Variants in SFI1 observed in about 807,000 individuals in gnomAD.
SFI1 encodes protein SFI1 homolog.
In SFI1, 195 loss-of-function variants were observed where a neutral mutation model predicts 207.5. The ratio of observed to expected loss-of-function variants is 0.94; its 90% confidence interval spans 0.84 to 1.06. SFI1 has a LOEUF of 1.06. Among genes scored for constraint, SFI1 ranks in the 50% least tolerant of loss-of-function variants. The pLI is 0.00. For missense variants in SFI1, 1,634 were observed against 1,588.0 expected, an observed-to-expected ratio of 1.03 and a Z score of -0.49; for synonymous variants, 630 against 598.9, an observed-to-expected ratio of 1.05 and a Z score of -0.76.
rs2068339128 is a variant in SFI1, at chr22:31,602,843, T to C, written c.1805+58T>C. 6 of 1,565,938 alleles carry C rather than the reference T, an allele frequency of 3.8e-6. No homozygotes were observed. In the East Asian group the frequency reaches 1.4e-4, roughly 35 times the overall value. ...CATCACAGGCCAGCTTTGCTTGTTC[T>C]AGCAGCACCATGAGCTCCAAGTGCC... is the stretch of plus-strand genomic sequence containing the variant. On this transcript the variant is annotated intron_variant, in intron 17 of 32. Coordinates refer to ENST00000400288, the MANE Select transcript of SFI1 (RefSeq NM_001007467.3).
intron 2 of SFI1, among the ~76,000 whole-genome samples, chr22:31,524,455 C>T (rs2057661484): frequency 6.6e-6 from 1 of 151,724 alleles, no homozygotes; most frequent in Non-Finnish European, 1.5e-5. Context: ...CAGGGTCTCA[C>T]TCTGTCACCC....
intron 31 of SFI1, among the ~76,000 whole-genome samples, chr22:31,617,342 G>C (rs564559542): frequency 5.3e-5 from 8 of 152,010 alleles, no homozygotes; most frequent in South Asian, 2.1e-4. Context: ...GCTTCCTATG[G>C]GGGGGACGAT....
chr22:31,602,774 G>C lies in SFI1; in HGVS notation c.1794G>C (p.Gly598=). 2 of 1,613,478 alleles carry C rather than the reference G, an allele frequency of 1.2e-6. No individual in the cohort carries two copies. Among genetic ancestry groups the C allele is most frequent in the Admixed American group, 3.3e-5 (2 of 60,014 alleles). ...GCCTCTGGAGGGAAAGTGCCCAAGG[G>C]CTCAGAACAGAGTGAGTGGCCAGTT... The part of the protein sequence containing the change: ...AFCLWRESAQ[G]LRTERTGRVR... Residue 598 remains glycine, a synonymous_variant, in exon 17 of 33, where the codon GGG becomes GGC. Coordinates refer to ENST00000400288, the MANE Select transcript of SFI1 (RefSeq NM_001007467.3).
chr22:31,506,341 C>G (rs1204596012), intron 1 of SFI1, among the ~76,000 whole-genome samples: 1 of 151,944 alleles, frequency 6.6e-6, no homozygotes, highest in Non-Finnish European at 1.5e-5. Flanking sequence ...AGCCACTGTG[C>G]CTGGCCAGAA....
chr22:31,579,709 C>T (rs959844198), intron 11 of SFI1, among the ~76,000 whole-genome samples: 1 of 152,168 alleles, frequency 6.6e-6, no homozygotes, highest in African/African-American at 2.4e-5. Context: ...GCCTCAGCAT[C>T]CTAAAGTGTT....
At chr22:31,585,174 A>G (rs750578228) in intron 14 of SFI1, 40 bp downstream of exon 14, 18 of 1,530,618 alleles carry the variant, frequency 1.2e-5, no homozygotes, top group African/African-American at 4.1e-5. Context: ...ACTGGCTTAC[A>G]TTCTTGGACC....
At chr22:31,562,666 C>T (rs974972481) in intron 8 of SFI1, among the ~76,000 whole-genome samples, 1 of 151,722 alleles carries the variant, frequency 6.6e-6, no homozygotes, top group Admixed American at 6.6e-5. Context: ...CAGAGTCTCG[C>T]TCTGTCACCC....
intron 1 of SFI1, among the ~76,000 whole-genome samples, chr22:31,506,720 C>G (rs1296689607): frequency 1.3e-5 from 2 of 152,048 alleles, no homozygotes; most frequent in African/African-American, 2.4e-5. Context: ...CAACAACAGG[C>G]AAGCAGAGAA....
Position 31,585,047 on chromosome 22 carries a change from G to A in SFI1, c.1347-21G>A, listed in dbSNP as rs1295803344. On this transcript the variant is annotated intron_variant, in intron 13 of 32. Transcript: ENST00000400288. ...AGTTTTAAAAACTTGAAACCTGAAG[G>A]TGTTCTTCCTTTTGTTTCAGAATAG... The A allele has an allele frequency of 5.0e-6, 8 of 1,609,736 alleles. 1 individual carries two copies. The Admixed American group carries it at 8.4e-5, about 17-fold the overall frequency.
chr22:31,523,731 A>T (rs1357731577), intron 2 of SFI1, among the ~76,000 whole-genome samples: 1 of 152,030 alleles, frequency 6.6e-6, no homozygotes, highest in Non-Finnish European at 1.5e-5. Context: ...TATTATCTCC[A>T]TCTACAGGGG....
At chr22:31,581,055 T>TATAC (rs1392370929) in intron 12 of SFI1, among the ~76,000 whole-genome samples, 2 of 151,816 alleles carry the variant, frequency 1.3e-5, no homozygotes, top group Non-Finnish European at 2.9e-5. Context: ...ACCCAGGCTG[T>TATAC]AGTGCAGTAG....
At chr22:31,610,749 C>A (rs2069951468) in intron 22 of SFI1, among the ~76,000 whole-genome samples, 1 of 152,226 alleles carries the variant, frequency 6.6e-6, no homozygotes, top group Non-Finnish European at 1.5e-5. Context: ...GCTGCCCTCT[C>A]TTCCAAGCTG....
At chr22:31,563,401 C>G (rs1440137921) in intron 8 of SFI1, among the ~76,000 whole-genome samples, 2 of 152,038 alleles carry the variant, frequency 1.3e-5, no homozygotes, top group Non-Finnish European at 1.5e-5. Flanking sequence ...GGGATACTGA[C>G]TAAACTTATA....
At chr22:31,610,255 CTG>C (rs1222367538) in intron 22 of SFI1, among the ~76,000 whole-genome samples, 2 of 152,254 alleles carry the variant, frequency 1.3e-5, no homozygotes, top group Non-Finnish European at 2.9e-5. Flanking sequence ...CATAACCTGG[CTG>C]TGTGTGTGAC....
chr22:31,503,749 A>AT (rs759980698), intron 1 of SFI1, among the ~76,000 whole-genome samples: 3,577 of 137,164 alleles, frequency 0.026, 78 homozygotes, highest in African/African-American at 0.06. Context: ...CACCATGCCA[A>AT]TTTTTTTTTT....
intron 6 of SFI1, among the ~76,000 whole-genome samples, chr22:31,554,510 G>A (rs186616916): frequency 6.6e-6 from 1 of 151,164 alleles, no homozygotes; most frequent in African/African-American, 2.4e-5. Flanking sequence ...GGATTTCACA[G>A]TGTTAGCCAG....
chr22:31,611,220 G>T lies in SFI1; in HGVS notation c.2332G>T (p.Ala778Ser), dbSNP rs756989541. 1.2e-6 allele frequency: 2 copies of T among 1,613,936 alleles called. No individual in the cohort carries two copies. Among genetic ancestry groups the T allele is most frequent in the South Asian group, 2.2e-5 (2 of 91,058 alleles). Reference sequence around the variant, plus strand: ...CCAGCAGAGACTGCAGCTGGAGAGGGCAGTGCAACACCACCACCGGCAGCT... The same window carrying T: ...CCAGCAGAGACTGCAGCTGGAGAGGTCAGTGCAACACCACCACCGGCAGCT... ...SAQQRLQLERAVQHHHRQLLL... is the reference protein window; with the variant it reads ...SAQQRLQLERSVQHHHRQLLL... Residue 778 changes from alanine (A) to serine (S), a missense_variant, in exon 23 of 33, where the codon GCA (alanine) becomes TCA (serine). Ala to Ser is a moderately conservative substitution (Grantham distance 99). Transcript: ENST00000400288.
Position 31,501,313 on chromosome 22 carries a change from A to T in SFI1, c.-31+4676A>T, listed in dbSNP as rs564177690. 4.0e-5 allele frequency among the ~76,000 whole-genome samples: 6 copies of T among 151,658 alleles called. No individual in the cohort carries two copies. The South Asian group carries it at 1.3e-3, about 32-fold the overall frequency. On this transcript the variant is annotated intron_variant, in intron 1 of 32. Transcript: ENST00000400288. The stretch of plus-strand genomic sequence containing the variant: ...CAGCCTCCCGAGTAGCTGGGACTAC[A>T]GGCGCCCGCCACCACGCCCGGCTAA...
At chr22:31,501,259 C>T (rs1416704990) in intron 1 of SFI1, among the ~76,000 whole-genome samples, 2 of 151,090 alleles carry the variant, frequency 1.3e-5, no homozygotes, top group African/African-American at 4.9e-5. Flanking sequence ...GCAAGTTCTG[C>T]CTCCTGGGTT....
Sources: gnomAD v4.1 joint callset for allele counts (sites outside exome capture counted in the v4.1 genomes callset) on GRCh38, gnomAD v4.1.1 for gene constraint, MANE v1.5 for transcripts, NCBI Gene and HGNC (gene_info 2026-07-23, HGNC 2026-07-21) for gene names.